The following KIAA0319 variants were observed in gnomAD, a reference collection of about 807,000 sequenced individuals.
The protein encoded by KIAA0319 is dyslexia-associated protein KIAA0319.
A neutral mutation model predicts 108.4 loss-of-function variants in KIAA0319; 83 were observed. The observed-to-expected ratio is 0.77, with a 90% CI of 0.64 to 0.92. The LOEUF (loss-of-function observed/expected upper bound fraction) is 0.92. Ranked by LOEUF, KIAA0319 falls within the 40% of genes least tolerant of loss-of-function variation. KIAA0319 has a pLI of 0.00. For missense variants in KIAA0319, 1,195 were observed against 1,322.4 expected, an observed-to-expected ratio of 0.90 and a Z score of 1.49; for synonymous variants, 484 against 510.4, an observed-to-expected ratio of 0.95 and a Z score of 0.70.
intron 9 of KIAA0319, among the ~76,000 whole-genome samples, chr6:24,577,283 A>G (rs1481765831): frequency 6.6e-6 from 1 of 152,222 alleles, no homozygotes; most frequent in Non-Finnish European, 1.5e-5. Flanking sequence ...TTGAGCATGC[A>G]GAGACAGCAA....
chr6:24,563,553 A>T, intron 15 of KIAA0319, 35 bp from the exon 16 acceptor site: 1 of 1,576,400 alleles, frequency 6.3e-7, no homozygotes, highest in Non-Finnish European at 8.6e-7. Flanking sequence ...TTGCACTTGG[A>T]CATTTGCACA....
chr6:24,587,145 A>G (rs1284558908), intron 4 of KIAA0319, among the ~76,000 whole-genome samples: 3 of 152,032 alleles, frequency 2.0e-5, no homozygotes, highest in African/African-American at 7.2e-5. Flanking sequence ...TCAATCACTT[A>G]TCAAATCTTT....
In KIAA0319 at chr6:24,578,182, A is replaced by G. The variant is rs770284155; in HGVS notation, c.1433T>C (p.Ile478Thr). 7.0e-5 allele frequency: 113 copies of G among 1,610,594 alleles called. No individual in the cohort carries two copies. Among genetic ancestry groups the G allele is most frequent in the Admixed American group, 1.8e-4 (11 of 59,948 alleles). Residue 478 changes from isoleucine to threonine, a missense_variant, in exon 9 of 21, where the codon ATA becomes ACA. Ile to Thr is a moderately conservative substitution (Grantham distance 89, BLOSUM62 -1). Transcript: ENST00000378214. ...YHWEEINGPFIEEKTSVDSPV... is the reference protein window; with the variant it reads ...YHWEEINGPFTEEKTSVDSPV... The stretch of plus-strand genomic sequence containing the variant: ...AGAGTCAACTGAAGTCTTCTCTTCT[A>G]TGAAGGGCCCGTTTATTTCTTCCCA...
At chr6:24,639,780 G>A (rs547769375) in intron 1 of KIAA0319, among the ~76,000 whole-genome samples, 46 of 150,418 alleles carry the variant, frequency 3.1e-4, no homozygotes, top group African/African-American at 7.4e-4. Flanking sequence ...CCTGGGAGGC[G>A]GAGTTGCAGT....
chr6:24,600,815 A>G lies in KIAA0319; in HGVS notation c.55+234T>C, dbSNP rs1046806039. 1.1e-5 allele frequency: 8 copies of G among 748,316 alleles called. No homozygotes were observed. The African/African-American group carries it at 1.4e-4, about 13-fold the overall frequency. The allele number at this position is 748,316 out of a possible 1,614,324, so 46.4% of individuals were successfully genotyped here. A position where few individuals can be genotyped will look rare whatever the true frequency, so the allele number is the denominator to read the frequency against. ...TATATAAACATAAAGTTTTCCTAGT[A>G]TATATGAAATGTGATTTTATTTTCC... is the stretch of plus-strand genomic sequence containing the variant. On this transcript the variant is annotated intron_variant, in intron 2 of 20. Coordinates refer to ENST00000378214, the MANE Select transcript of KIAA0319 (RefSeq NM_014809.4).
chr6:24,586,820 C>A (rs1434521157), intron 4 of KIAA0319, among the ~76,000 whole-genome samples: 3 of 152,084 alleles, frequency 2.0e-5, no homozygotes, highest in Admixed American at 2.0e-4. Flanking sequence ...TTCTATCCTC[C>A]TCCATAGAAC....
rs1221599293 is a variant in KIAA0319 at position 24,579,916 on chromosome 6, A to C, written c.1314T>G (p.Val438=). 6.2e-7 allele frequency: 1 copy of C among 1,600,768 alleles called. No homozygotes were observed. Among genetic ancestry groups the C allele is most frequent in the African/African-American group, 1.3e-5 (1 of 74,818 alleles). The change falls in exon 8 of 21, where the codon GTT becomes GTG. Residue 438 remains valine (V), a synonymous_variant. Transcript: ENST00000378214. ...AAGTGAGCTCTTGCAGTTGGGGAGA[A>C]ACAACTGCTACAGGTGGCAGGTTGA... ...RRVNLPPVAV[V]SPQLQELTLP...
chr6:24,563,319 T>C, intron 16 of KIAA0319, 40 bp downstream of exon 16: 1 of 1,579,186 alleles, frequency 6.3e-7, no homozygotes, highest in Non-Finnish European at 8.6e-7. Flanking sequence ...AGCTGGAATT[T>C]TGTACGGCCA....
Position 24,544,570 on chromosome 6 carries a change from T to A in KIAA0319, c.*2595A>T, listed in dbSNP as rs1420381713. ...TACATTTTCTTACCTTGCTGCATGTTTTTCAGATAGTTCCTTAGTCATACA... is the reference window on the plus strand; with the variant it reads ...TACATTTTCTTACCTTGCTGCATGTATTTCAGATAGTTCCTTAGTCATACA... On this transcript the variant is annotated 3_prime_UTR_variant, in exon 21 of 21. Coordinates refer to ENST00000378214, the MANE Select transcript of KIAA0319 (RefSeq NM_014809.4). 7 of 151,770 alleles carry A rather than the reference T, an allele frequency of 4.6e-5. No individual in the cohort carries two copies. Among genetic ancestry groups the A allele is most frequent in the Non-Finnish European group, 5.9e-5 (4 of 68,026 alleles). 9.4% of individuals were successfully genotyped at this position (151,770 alleles called of 1,614,324 possible). A position where few individuals can be genotyped will look rare whatever the true frequency, so the allele number is the denominator to read the frequency against.
rs765300257 is a variant in KIAA0319, at chr6:24,581,007, C to T, written c.1198G>A (p.Val400Ile). The T allele has an allele frequency of 2.2e-5, 36 of 1,605,296 alleles. No individual in the cohort carries two copies. The South Asian group carries it at 2.8e-4, about 12-fold the overall frequency. Residue 400 changes from valine (V) to isoleucine (I), a missense_variant, in exon 7 of 21, where the codon GTC (valine) becomes ATC (isoleucine). Val to Ile is a conservative substitution (Grantham distance 29). Coordinates refer to ENST00000378214, the MANE Select transcript of KIAA0319 (RefSeq NM_014809.4). ...GTGACTTTGAAGACATAAAGTCCGA[C>T]GGACAACTGTAACATAAAGAAAAGT... ...KQTLNLSQLSVGLYVFKVTVS... is the reference protein window; with the variant it reads ...KQTLNLSQLSIGLYVFKVTVS...
intron 17 of KIAA0319, among the ~76,000 whole-genome samples, chr6:24,558,273 CA>C (rs112514454): frequency 7.0e-6 from 1 of 143,348 alleles, no homozygotes. Context: ...CTAAAAATAC[CA>C]AAAAAAAAGA....
intron 20 of KIAA0319, among the ~76,000 whole-genome samples, chr6:24,549,882 G>A (rs530632440): frequency 6.6e-6 from 1 of 152,128 alleles, no homozygotes; most frequent in Non-Finnish European, 1.5e-5. Context: ...GGGGGGCGGT[G>A]TGTGTGGAGC....
At chr6:24,611,590 T>G (rs1253790801) in intron 1 of KIAA0319, among the ~76,000 whole-genome samples, 1 of 152,174 alleles carries the variant, frequency 6.6e-6, no homozygotes, top group Non-Finnish European at 1.5e-5. Context: ...ATAAGCACAG[T>G]AGAAGTGTCA....
chr6:24,551,533 G>C lies in KIAA0319; in HGVS notation c.2949-8C>G. On this transcript the variant is annotated splice_region_variant and splice_polypyrimidine_tract_variant and intron_variant, in intron 19 of 20. Transcript: ENST00000378214. ...ATTTTAGTCCTTTTTTGTCTGAAAG[G>C]AACAATGAAAAGCTCAACTCAGATC... The C allele has an allele frequency of 6.4e-7, 1 of 1,567,692 alleles. No homozygotes were observed. Among genetic ancestry groups the C allele is most frequent in the Non-Finnish European group, 8.8e-7 (1 of 1,137,512 alleles).
intron 1 of KIAA0319, among the ~76,000 whole-genome samples, chr6:24,618,852 T>C (rs1773522722): frequency 1.3e-5 from 2 of 151,996 alleles, no homozygotes; most frequent in African/African-American, 2.4e-5. Context: ...AAGCACAACT[T>C]CTAAAAACAA....
downstream of KIAA0319, among the ~76,000 whole-genome samples, chr6:24,541,013 G>C (rs1326296019): frequency 4.6e-5 from 7 of 152,132 alleles, no homozygotes; most frequent in African/African-American, 4.8e-5. Flanking sequence ...GGCAGCACCT[G>C]AATCAAGATA....
chr6:24,565,362 G>A (rs371165096), intron 14 of KIAA0319, among the ~76,000 whole-genome samples: 3 of 138,828 alleles, frequency 2.2e-5, no homozygotes, highest in East Asian at 3.9e-4. Flanking sequence ...CAGGAATGAA[G>A]ACGTACATAC....
chr6:24,630,756 TTTCA>T (rs1462851414), intron 1 of KIAA0319, among the ~76,000 whole-genome samples: 50 of 151,442 alleles, frequency 3.3e-4, no homozygotes, highest in African/African-American at 1.2e-3. Flanking sequence ...TGTATAATAC[TTTCA>T]TTCAATATTT....
chr6:24,645,173 G>A (rs941180274), intron 1 of KIAA0319, among the ~76,000 whole-genome samples: 1 of 151,554 alleles, frequency 6.6e-6, no homozygotes, highest in Middle Eastern at 3.2e-3. Context: ...TTCAAGCAGT[G>A]GAAAAAATAC....
Sources: gnomAD v4.1 joint callset for allele counts (sites outside exome capture counted in the v4.1 genomes callset) on GRCh38, gnomAD v4.1.1 for gene constraint, MANE v1.5 for transcripts, NCBI Gene and HGNC (gene_info 2026-07-23, HGNC 2026-07-21) for gene names.